The following DIAPH1 variants were observed in gnomAD, a reference collection of about 807,000 sequenced individuals.
DIAPH1 encodes the protein protein diaphanous homolog 1.
Under a neutral mutation model 140.7 loss-of-function variants are expected in DIAPH1, and 46 were observed. The ratio of observed to expected loss-of-function variants is 0.33; its 90% CI spans 0.26 to 0.42. DIAPH1 has a LOEUF of 0.42. Among genes scored for constraint, DIAPH1 ranks in the 10% least tolerant of loss-of-function variants. The pLI is 1.00. For synonymous variants in DIAPH1, 565 were observed against 551.6 expected, an observed-to-expected ratio of 1.02 and a Z score of -0.34; for missense variants, 1,310 against 1,558.7, an observed-to-expected ratio of 0.84 and a Z score of 2.69.
At chr5:141,607,729 T>C (rs925526297) in intron 1 of DIAPH1, among the ~76,000 whole-genome samples, 1 of 152,250 alleles carries the variant, frequency 6.6e-6, no homozygotes, top group Admixed American at 6.5e-5. Flanking sequence ...TTCTCTTTAC[T>C]ACAGCCACAT....
At chr5:141,531,264 T>G (rs1327503030) in intron 19 of DIAPH1, among the ~76,000 whole-genome samples, 1 of 151,956 alleles carries the variant, frequency 6.6e-6, no homozygotes, top group East Asian at 1.9e-4. Context: ...TTCTCCTTTA[T>G]CCCAAGTCAA....
chr5:141,597,859 G>C lies in DIAPH1; in HGVS notation c.118-9609C>G, dbSNP rs146519608. 1.7e-3 allele frequency among the ~76,000 whole-genome samples: 254 copies of C among 152,268 alleles called. 2 individuals are homozygous for C. The highest frequency in any genetic ancestry group is 5.6e-3 in the African/African-American group (232 of 41,542). Reference sequence around the variant, plus strand: ...CAAGGATACTCATTCCCACACCACAGAACTTTCCCGCTTTGACTTATTCAG... The same window carrying C: ...CAAGGATACTCATTCCCACACCACACAACTTTCCCGCTTTGACTTATTCAG... On this transcript the variant is annotated intron_variant, in intron 1 of 27. Coordinates refer to ENST00000389054, the MANE Select transcript of DIAPH1 (RefSeq NM_005219.5).
At chr5:141,578,482 G>A in intron 10 of DIAPH1, 33 bp downstream of exon 10, 1 of 1,577,016 alleles carries the variant, frequency 6.3e-7, no homozygotes, top group Non-Finnish European at 8.7e-7. Context: ...GAAGGAACCA[G>A]TCTAGCCTTT....
At position 141,578,267 on chromosome 5, in the gene DIAPH1, T is replaced by C. The variant is rs752460505; in HGVS notation, c.1121A>G (p.Tyr374Cys). 4.3e-6 allele frequency: 7 copies of C among 1,614,018 alleles called. No homozygotes were observed. Among genetic ancestry groups the C allele is most frequent in the Admixed American group, 1.7e-5 (1 of 59,994 alleles). The part of the protein sequence containing the change: ...VFDEQGEEDS[Y>C]DLKGRLDDIR... ...GTCATCCAGCCGTCCCTTCAGGTCA[T>C]AGGAATCCTCTTCCCCTTGTTCATC... Residue 374 changes from tyrosine (Y) to cysteine (C), a missense_variant, in exon 11 of 28, where the codon TAT becomes TGT. Tyr to Cys is a radical substitution (Grantham distance 194, BLOSUM62 -2). This residue lies in a region of DIAPH1 where 377 missense variants were observed against 497.1 expected (regional missense o/e 0.76). Coordinates refer to ENST00000389054, the MANE Select transcript of DIAPH1 (RefSeq NM_005219.5).
At chr5:141,618,526 G>A (rs946281277) in intron 1 of DIAPH1, 2 of 358,348 alleles carry the variant, frequency 5.6e-6, no homozygotes, top group East Asian at 5.8e-5. Flanking sequence ...CTGAGAGCCG[G>A]CCGGGGATAT....
chr5:141,517,137 T>A, intron 27 of DIAPH1, 129 bp from the exon 28 acceptor site: 1 of 1,027,150 alleles, frequency 9.7e-7, no homozygotes, highest in Non-Finnish European at 1.5e-6. Flanking sequence ...AGGCCCTTAC[T>A]TTGAAGAAAG....
chr5:141,603,530 T>G (rs1385908671), intron 1 of DIAPH1, among the ~76,000 whole-genome samples: 1 of 152,266 alleles, frequency 6.6e-6, no homozygotes, highest in East Asian at 1.9e-4. Context: ...CCGGGAACAA[T>G]GAAAGATTCT....
intron 24 of DIAPH1, among the ~76,000 whole-genome samples, chr5:141,526,853 C>T (rs900258168): frequency 4.1e-5 from 4 of 96,686 alleles, no homozygotes; most frequent in East Asian, 2.1e-4. Context: ...CGCACCATCA[C>T]GCCCAGCTGA....
intron 1 of DIAPH1, among the ~76,000 whole-genome samples, chr5:141,615,358 G>A (rs1447676526): frequency 2.7e-5 from 4 of 150,802 alleles, no homozygotes; most frequent in African/African-American, 4.9e-5. Context: ...GCTTGAACCC[G>A]GGAGGTGGAG....
chr5:141,521,187 C>A (rs770655621), intron 27 of DIAPH1, among the ~76,000 whole-genome samples: 1 of 152,188 alleles, frequency 6.6e-6, no homozygotes, highest in Non-Finnish European at 1.5e-5. Flanking sequence ...GTCTTTCCAA[C>A]TCTATGGTTC....
chr5:141,606,461 C>A (rs1334811984), intron 1 of DIAPH1, among the ~76,000 whole-genome samples: 1 of 152,166 alleles, frequency 6.6e-6, no homozygotes, highest in Non-Finnish European at 1.5e-5. Flanking sequence ...ATGGCACAAT[C>A]TCGACTCACA....
intron 18 of DIAPH1, among the ~76,000 whole-genome samples, chr5:141,549,673 A>G (rs1431879170): frequency 6.6e-6 from 1 of 152,208 alleles, no homozygotes; most frequent in Admixed American, 6.5e-5. Flanking sequence ...GAAATAATTC[A>G]AAGTACTAAG....
intron 27 of DIAPH1, 48 bp downstream of exon 27, chr5:141,524,095 G>T: frequency 6.6e-7 from 1 of 1,520,796 alleles, no homozygotes; most frequent in Non-Finnish European, 9.1e-7. Context: ...GGAGTAGAGA[G>T]CCCTCACCCC....
chr5:141,550,954 T>C (rs1472898865), intron 18 of DIAPH1, among the ~76,000 whole-genome samples: 2 of 152,216 alleles, frequency 1.3e-5, no homozygotes, highest in Non-Finnish European at 2.9e-5. Context: ...CAGGTGACCA[T>C]AACAGGAACT....
chr5:141,588,664 C>T (rs2099897913), intron 1 of DIAPH1, among the ~76,000 whole-genome samples: 1 of 152,116 alleles, frequency 6.6e-6, no homozygotes, highest in Non-Finnish European at 1.5e-5. Flanking sequence ...CCAACAGGAA[C>T]TCTTGGTGGT....
Position 141,593,616 on chromosome 5 carries a change from T to TGG in DIAPH1, c.118-5368_118-5367dup, listed in dbSNP as rs1343003641. ...ATATAATTGTACAGCACTACTAAGGTGGCTAGTGTAAGTGAGGAGGAATTT... is the reference window on the plus strand; with the variant it reads ...ATATAATTGTACAGCACTACTAAGGTGGGGCTAGTGTAAGTGAGGAGGAATTT... On this transcript the variant is annotated intron_variant, in intron 1 of 27. Transcript: ENST00000389054. 2.6e-4 allele frequency among the ~76,000 whole-genome samples: 40 copies of TGG among 152,164 alleles called. 1 individual carries two copies. The highest frequency in any genetic ancestry group is 2.6e-3 in the Admixed American group (40 of 15,280).
At chr5:141,534,969 G>A (rs1359340196) in intron 18 of DIAPH1, among the ~76,000 whole-genome samples, 1 of 152,046 alleles carries the variant, frequency 6.6e-6, no homozygotes, top group Non-Finnish European at 1.5e-5. Context: ...TGTTTTTTGA[G>A]ACAGCATCTC....
At chr5:141,559,624 T>C (rs905789991) in intron 18 of DIAPH1, among the ~76,000 whole-genome samples, 9 of 152,166 alleles carry the variant, frequency 5.9e-5, no homozygotes. Context: ...TCAGATAATA[T>C]AGTCATTGAG....
intron 18 of DIAPH1, among the ~76,000 whole-genome samples, chr5:141,562,084 A>G (rs1403329788): frequency 2.6e-5 from 4 of 152,212 alleles, no homozygotes; most frequent in Non-Finnish European, 5.9e-5. Context: ...ATAAGTTGCC[A>G]TACATTTACA....
Sources: allele counts gnomAD v4.1 joint callset (sites outside exome capture counted in the v4.1 genomes callset), GRCh38; gene constraint gnomAD v4.1.1; regional missense constraint gnomAD v4.1.1; transcripts MANE v1.5; gene names NCBI Gene and HGNC (gene_info 2026-07-23, HGNC 2026-07-21).